GAS2: variants seen among roughly 807,000 people sequenced by gnomAD.
GAS2 encodes the protein growth arrest-specific protein 2.
Under a neutral mutation model 37.5 loss-of-function variants are expected in GAS2, and 20 were observed. The ratio of observed to expected loss-of-function variants is 0.53; its 90% CI spans 0.37 to 0.77. The LOEUF is 0.77. Among genes scored for constraint, GAS2 ranks in the 30% least tolerant of loss-of-function variants. The probability of loss-of-function intolerance (pLI) is 0.00; values close to 1 mark genes in which losing one functional copy is unlikely to be tolerated. For synonymous variants in GAS2, 144 were observed against 132.2 expected (o/e 1.09, Z -0.61); for missense variants, 336 against 373.4 (o/e 0.90, Z 0.82).
intron 7 of GAS2, among the ~76,000 whole-genome samples, chr11:22,774,073 A>G (rs564420194): frequency 3.7e-4 from 56 of 152,276 alleles, no homozygotes; most frequent in Non-Finnish European, 6.5e-4. Flanking sequence ...GGCTCACTGC[A>G]ACCTCCGCCT....
chr11:22,784,165 G>A (rs1855713981), intron 7 of GAS2, among the ~76,000 whole-genome samples: 2 of 152,104 alleles, frequency 1.3e-5, no homozygotes, highest in African/African-American at 4.8e-5. Flanking sequence ...CTTTTTCTAT[G>A]TGTGTGAAAA....
intron 4 of GAS2, among the ~76,000 whole-genome samples, chr11:22,732,968 A>G (rs1340386587): frequency 6.6e-6 from 1 of 151,694 alleles, no homozygotes; most frequent in Non-Finnish European, 1.5e-5. Flanking sequence ...GTGTATATAC[A>G]CATCACCTGG....
chr11:22,735,827 T>A (rs1276837095), intron 4 of GAS2, among the ~76,000 whole-genome samples: 1 of 151,900 alleles, frequency 6.6e-6, no homozygotes, highest in African/African-American at 2.4e-5. Flanking sequence ...TTTGACACTC[T>A]TGTCATCAAG....
chr11:22,789,187 T>C (rs945421859), intron 7 of GAS2, among the ~76,000 whole-genome samples: 7 of 148,610 alleles, frequency 4.7e-5, no homozygotes, highest in Non-Finnish European at 1.0e-4. Flanking sequence ...TGACACTAAT[T>C]TGATGGAGAT....
chr11:22,804,134 G>C (rs1196783622), intron 7 of GAS2, among the ~76,000 whole-genome samples: 1 of 152,242 alleles, frequency 6.6e-6, no homozygotes, highest in East Asian at 1.9e-4. Flanking sequence ...GCAAGGGCTA[G>C]AGTTATAATT....
Position 22,770,644 on chromosome 11 carries a change from A to G in GAS2, c.723+14691A>G, listed in dbSNP as rs567391619. ...TTCTGGAACAGGAGACTAAAACCCC[A>G]GAAGAGAGATAATTCTAACATACAT... On this transcript the variant is annotated intron_variant, in intron 7 of 7. Transcript: ENST00000454584. 2.6e-5 allele frequency among the ~76,000 whole-genome samples: 4 copies of G among 152,318 alleles called. No homozygotes were observed. The South Asian group carries it at 6.2e-4, about 24-fold the overall frequency.
intron 7 of GAS2, among the ~76,000 whole-genome samples, chr11:22,767,045 C>T (rs1376446343): frequency 6.6e-6 from 1 of 152,112 alleles, no homozygotes; most frequent in East Asian, 1.9e-4. Context: ...TTTTACATAA[C>T]ATTTTTTCTT....
At chr11:22,650,496 C>T (rs1240039791) in intron 1 of GAS2, among the ~76,000 whole-genome samples, 1 of 151,516 alleles carries the variant, frequency 6.6e-6, no homozygotes, top group Non-Finnish European at 1.5e-5. Context: ...TCTCGTTGAT[C>T]TGTCTAATGT....
chr11:22,793,929 G>A lies in GAS2; in HGVS notation c.724-17869G>A, dbSNP rs137910097. ...ATTCAGTGGCTAGATTGTGCCTAAGGTCAGAAGACTGTTCCATTATCTGCT... is the reference window on the plus strand; with the variant it reads ...ATTCAGTGGCTAGATTGTGCCTAAGATCAGAAGACTGTTCCATTATCTGCT... On this transcript the variant is annotated intron_variant, in intron 7 of 7. Transcript: ENST00000454584. 3.9e-5 allele frequency among the ~76,000 whole-genome samples: 6 copies of A among 152,232 alleles called. No individual in the cohort carries two copies. In the East Asian group the frequency reaches 9.7e-4, roughly 25 times the overall value.
At chr11:22,729,404 T>G (rs1010107431) in intron 4 of GAS2, among the ~76,000 whole-genome samples, 1 of 151,876 alleles carries the variant, frequency 6.6e-6, no homozygotes, top group African/African-American at 2.4e-5. Flanking sequence ...AGCGATGAAC[T>G]GGGGAGAAGG....
intron 6 of GAS2, among the ~76,000 whole-genome samples, chr11:22,752,210 A>G (rs1044606403): frequency 6.6e-6 from 1 of 152,060 alleles, no homozygotes; most frequent in Non-Finnish European, 1.5e-5. Flanking sequence ...TTGGCATATC[A>G]AAGGCTCTAG....
At chr11:22,628,971 T>A (rs888469726) in intron 1 of GAS2, among the ~76,000 whole-genome samples, 2 of 151,598 alleles carry the variant, frequency 1.3e-5, no homozygotes, top group African/African-American at 4.9e-5. Context: ...TATTTCATTC[T>A]TTTTATGGCT....
chr11:22,630,266 C>T (rs1020984897), intron 1 of GAS2, among the ~76,000 whole-genome samples: 1 of 152,142 alleles, frequency 6.6e-6, no homozygotes, highest in Non-Finnish European at 1.5e-5. Flanking sequence ...TCTCATTGTT[C>T]AGTTCCCACC....
chr11:22,682,806 A>G (rs547759382), intron 2 of GAS2, among the ~76,000 whole-genome samples: 1 of 139,842 alleles, frequency 7.2e-6, no homozygotes, highest in Non-Finnish European at 1.5e-5. Flanking sequence ...AGATCGTGCC[A>G]CTGCACTCCA....
intron 7 of GAS2, among the ~76,000 whole-genome samples, chr11:22,774,626 A>G (rs1045652701): frequency 1.3e-5 from 2 of 152,230 alleles, no homozygotes; most frequent in South Asian, 2.1e-4. Flanking sequence ...TGGTATGTTG[A>G]CTTTAAGAAC....
intron 3 of GAS2, among the ~76,000 whole-genome samples, chr11:22,699,372 CA>C (rs1224508087): frequency 1.3e-5 from 2 of 151,910 alleles, no homozygotes; most frequent in Non-Finnish European, 2.9e-5. Flanking sequence ...AATCAGGTGA[CA>C]GGTAGATTTT....
intron 3 of GAS2, among the ~76,000 whole-genome samples, chr11:22,723,013 G>A (rs1249271157): frequency 6.6e-6 from 1 of 151,778 alleles, no homozygotes; most frequent in Non-Finnish European, 1.5e-5. Flanking sequence ...GATAAGCAGA[G>A]ATCCTTATTT....
intron 6 of GAS2, among the ~76,000 whole-genome samples, chr11:22,751,421 C>T (rs1392259013): frequency 3.9e-5 from 6 of 151,938 alleles, no homozygotes; most frequent in Non-Finnish European, 7.4e-5. Flanking sequence ...GAAGCATTTA[C>T]CTTTTTGGGT....
At chr11:22,637,176 ATTAC>A (rs1858837424) in intron 1 of GAS2, among the ~76,000 whole-genome samples, 1 of 124,706 alleles carries the variant, frequency 8.0e-6, no homozygotes, top group Non-Finnish European at 1.6e-5. Flanking sequence ...ATATTAATAT[ATTAC>A]TTATGTTAAT....
Sources: allele counts gnomAD v4.1 joint callset (sites outside exome capture counted in the v4.1 genomes callset), GRCh38; gene constraint gnomAD v4.1.1; transcripts MANE v1.5; gene names NCBI Gene and HGNC (gene_info 2026-07-23, HGNC 2026-07-21).